The following TAS2R1 variants were observed in gnomAD, a reference collection of about 807,000 sequenced individuals.
TAS2R1 encodes taste receptor type 2 member 1.
For missense variants in TAS2R1, 370 were observed against 353.4 expected (o/e 1.05, Z -0.38); for synonymous variants, 141 against 134.2 (o/e 1.05, Z -0.35).
At chr5:9,744,897 G>A in the TAS2R1 span, among the ~76,000 whole-genome samples, 1,477 of 152,246 alleles carry the variant, frequency 9.7e-3, 23 homozygotes, top group African/African-American at 0.031. Context: ...AGCTGCATTA[G>A]ACAAAGAGTA....
chr5:9,686,689 T>A (rs1741130244), intron 1 of TAS2R1, among the ~76,000 whole-genome samples: 1 of 152,100 alleles, frequency 6.6e-6, no homozygotes, highest in Admixed American at 6.5e-5. Context: ...AGGGCCAACA[T>A]CTGGGGAAAT....
chr5:9,706,507 G>A (rs1423094467), intron 1 of TAS2R1, among the ~76,000 whole-genome samples: 1 of 152,244 alleles, frequency 6.6e-6, no homozygotes, highest in East Asian at 1.9e-4. Flanking sequence ...AAAAGCACTG[G>A]TGGGGACCAG....
chr5:9,784,763 C>A, the TAS2R1 span, among the ~76,000 whole-genome samples: 1,818 of 152,226 alleles, frequency 0.012, 29 homozygotes, highest in African/African-American at 0.042. Context: ...TTGGGTTTCC[C>A]TGGCTGGTGG....
the TAS2R1 span, among the ~76,000 whole-genome samples, chr5:9,880,947 G>A: frequency 1.3e-3 from 201 of 152,208 alleles, no homozygotes; most frequent in African/African-American, 4.6e-3. Context: ...TCCAGCCAGG[G>A]GTTTAGGGAC....
At chr5:9,833,889 G>A in the TAS2R1 span, among the ~76,000 whole-genome samples, 1 of 152,146 alleles carries the variant, frequency 6.6e-6, no homozygotes, top group Non-Finnish European at 1.5e-5. Context: ...TTTTATTATT[G>A]CTCTAAACTT....
chr5:9,701,110 G>A (rs80017265), intron 1 of TAS2R1, among the ~76,000 whole-genome samples: 5,471 of 152,066 alleles, frequency 0.036, 311 homozygotes, highest in African/African-American at 0.12. Context: ...TCTCAAAAGC[G>A]GAAGTGGGCA....
At chr5:9,874,690 G>A in the TAS2R1 span, among the ~76,000 whole-genome samples, 2 of 152,172 alleles carry the variant, frequency 1.3e-5, no homozygotes, top group African/African-American at 4.8e-5. Flanking sequence ...GGTCTTTCTT[G>A]ATACAGAGGT....
At chr5:9,829,720 T>C in the TAS2R1 span, among the ~76,000 whole-genome samples, 1 of 152,074 alleles carries the variant, frequency 6.6e-6, no homozygotes, top group Non-Finnish European at 1.5e-5. Context: ...AACTGTCCCT[T>C]CAGCTCCAGA....
At chr5:9,740,792 C>G in the TAS2R1 span, among the ~76,000 whole-genome samples, 67 of 152,332 alleles carry the variant, frequency 4.4e-4, no homozygotes, top group African/African-American at 1.5e-3. Context: ...GGCTTTGCAA[C>G]TCCTTCTCTT....
At chr5:9,710,955 A>T (rs1220196012) in intron 1 of TAS2R1, among the ~76,000 whole-genome samples, 1 of 138,830 alleles carries the variant, frequency 7.2e-6, no homozygotes, top group Non-Finnish European at 1.5e-5. Flanking sequence ...ATAATATATA[A>T]TTATATTTAT....
chr5:9,866,695 C>T, the TAS2R1 span, among the ~76,000 whole-genome samples: 1 of 152,230 alleles, frequency 6.6e-6, no homozygotes, highest in Non-Finnish European at 1.5e-5. Flanking sequence ...AGGTCATTCA[C>T]TACAATTTTT....
the TAS2R1 span, among the ~76,000 whole-genome samples, chr5:9,722,926 T>C: frequency 0.053 from 7,999 of 152,246 alleles, 685 homozygotes; most frequent in African/African-American, 0.17. Flanking sequence ...TGTGAAATGG[T>C]CAGACAGAGG....
At chr5:9,735,485 C>T in the TAS2R1 span, among the ~76,000 whole-genome samples, 1 of 151,374 alleles carries the variant, frequency 6.6e-6, no homozygotes, top group African/African-American at 2.5e-5. Context: ...AATTTCCCTA[C>T]CATGTATTTA....
chr5:9,800,099 C>A, the TAS2R1 span, among the ~76,000 whole-genome samples: 1 of 152,264 alleles, frequency 6.6e-6, no homozygotes, highest in South Asian at 2.1e-4. Context: ...TCCTATAACT[C>A]CTAGTATAGA....
chr5:9,681,503 A>G (rs187667403), intron 1 of TAS2R1, among the ~76,000 whole-genome samples: 33 of 138,560 alleles, frequency 2.4e-4, no homozygotes, highest in African/African-American at 7.0e-4. Context: ...CACCTGTTCA[A>G]CATTTCAGGG....
At chr5:9,642,121 C>T (rs1740096521) in intron 2 of TAS2R1, among the ~76,000 whole-genome samples, 1 of 152,086 alleles carries the variant, frequency 6.6e-6, no homozygotes, top group East Asian at 1.9e-4. Flanking sequence ...AAAGAAAGTG[C>T]GATTTTTTTC....
the TAS2R1 span, among the ~76,000 whole-genome samples, chr5:9,808,291 C>T: frequency 6.6e-6 from 1 of 152,094 alleles, no homozygotes; most frequent in Admixed American, 6.5e-5. Context: ...AAGGTAATCC[C>T]TATTATATAG....
intron 1 of TAS2R1, among the ~76,000 whole-genome samples, chr5:9,698,127 T>A (rs577565644): frequency 8.5e-5 from 13 of 152,286 alleles, no homozygotes; most frequent in East Asian, 1.9e-4. Context: ...ATTCATTTTT[T>A]AAAAAACCAT....
At chr5:9,648,855 C>T (rs1297486687) in intron 2 of TAS2R1, among the ~76,000 whole-genome samples, 1 of 152,076 alleles carries the variant, frequency 6.6e-6, no homozygotes, top group Non-Finnish European at 1.5e-5. Flanking sequence ...AGGGTCGGTG[C>T]CCAGGCATCC....
Sources: gnomAD v4.1 joint callset for allele counts (sites outside exome capture counted in the v4.1 genomes callset) on GRCh38, gnomAD v4.1.1 for gene constraint, MANE v1.5 for transcripts, NCBI Gene and HGNC (gene_info 2026-07-23, HGNC 2026-07-21) for gene names.